Variants in C12orf42 observed in about 807,000 individuals in gnomAD.
C12orf42 encodes the protein uncharacterized protein C12orf42.
C12orf42 carries 25 observed loss-of-function variants against 21.6 expected under a neutral mutation model. The ratio of observed to expected loss-of-function variants is 1.16; its 90% CI spans 0.84 to 1.62. The LOEUF (loss-of-function observed/expected upper bound fraction) is 1.62, where lower values mean the gene tolerates loss of function less well. Among genes scored for constraint, C12orf42 ranks in the 40% most tolerant of loss-of-function variants. C12orf42 has a pLI of 0.00. For missense variants in C12orf42, 483 were observed against 459.3 expected, an observed-to-expected ratio of 1.05 and a Z score of -0.47; for synonymous variants, 174 against 175.0, an observed-to-expected ratio of 0.99 and a Z score of 0.05.
chr12:103,539,885 TTTAA>T, the C12orf42 span, among the ~76,000 whole-genome samples: 4,517 of 152,226 alleles, frequency 0.03, 235 homozygotes, highest in African/African-American at 0.1. Context: ...GGCCTGTATA[TTTAA>T]TTTTTAATTT....
the C12orf42 span, among the ~76,000 whole-genome samples, chr12:103,527,161 A>G: frequency 6.6e-6 from 1 of 151,970 alleles, no homozygotes; most frequent in Non-Finnish European, 1.5e-5. Flanking sequence ...AAGGCTTCTG[A>G]GAAAGATTTC....
rs2037808653 is a variant in C12orf42, at chr12:103,302,542, A to G, written c.649T>C (p.Ser217Pro). ...KKNSGSAARP[S>P]TAIGLCRRSQ... ...CTCCTGCAGAGGCCGATGGCAGTGG[A>G]AGGTCTGGCGGCAGAACCTGGAAGG... Residue 217 changes from serine (S) to proline (P), a missense_variant, in exon 6 of 6, where the codon TCC becomes CCC. By Grantham distance (74) the Ser-to-Pro change is moderately conservative (BLOSUM62 -1). Coordinates refer to ENST00000548883, the MANE Select transcript of C12orf42 (RefSeq NM_198521.5). The G allele has an allele frequency of 6.2e-7, 1 of 1,608,512 alleles. No individual in the cohort carries two copies. Among genetic ancestry groups the G allele is most frequent in the African/African-American group, 1.3e-5 (1 of 74,728 alleles).
intron 3 of C12orf42, among the ~76,000 whole-genome samples, chr12:103,391,092 T>C (rs2047038022): frequency 6.6e-6 from 1 of 152,202 alleles, no homozygotes; most frequent in Admixed American, 6.5e-5. Context: ...TTACTTGGCA[T>C]AATATTTCCA....
chr12:103,270,628 G>T (rs2035415834), intron 5 of C12orf42, among the ~76,000 whole-genome samples: 1 of 149,546 alleles, frequency 6.7e-6, no homozygotes, highest in South Asian at 2.1e-4. Flanking sequence ...TGCACAATGT[G>T]CAGGTTAGTT....
At chr12:103,359,992 C>T (rs1166097030) in intron 4 of C12orf42, among the ~76,000 whole-genome samples, 2 of 151,588 alleles carry the variant, frequency 1.3e-5, no homozygotes, top group African/African-American at 4.8e-5. Flanking sequence ...CATCCCCTTT[C>T]CCTTACTGCC....
intron 4 of C12orf42, among the ~76,000 whole-genome samples, chr12:103,364,109 C>T (rs1251945785): frequency 1.3e-5 from 2 of 152,040 alleles, no homozygotes; most frequent in African/African-American, 4.8e-5. Flanking sequence ...AAACAAGCCT[C>T]AATACATTTA....
the C12orf42 span, among the ~76,000 whole-genome samples, chr12:103,216,666 T>A: frequency 6.6e-6 from 1 of 151,968 alleles, no homozygotes; most frequent in Non-Finnish European, 1.5e-5. Context: ...AACAATACTT[T>A]TTTAAGATCA....
chr12:103,196,712 CTGTT>C, the C12orf42 span, among the ~76,000 whole-genome samples: 1 of 151,714 alleles, frequency 6.6e-6, no homozygotes, highest in Non-Finnish European at 1.5e-5. Flanking sequence ...GGTTTAAAGT[CTGTT>C]TTTTTTTCTG....
the C12orf42 span, among the ~76,000 whole-genome samples, chr12:103,082,875 T>C: frequency 6.6e-6 from 1 of 152,222 alleles, no homozygotes; most frequent in Non-Finnish European, 1.5e-5. Flanking sequence ...TATCAGCTCT[T>C]ACTCTGAATT....
intron 2 of C12orf42, among the ~76,000 whole-genome samples, chr12:103,436,417 TA>T (rs905665080): frequency 6.6e-6 from 1 of 151,954 alleles, no homozygotes; most frequent in African/African-American, 2.4e-5. Context: ...ACTTTAAATG[TA>T]AATGGACTAA....
At chr12:103,240,718 C>G (rs1431685175) in intron 10 of C12orf42, among the ~76,000 whole-genome samples, 1 of 152,086 alleles carries the variant, frequency 6.6e-6, no homozygotes, top group South Asian at 2.1e-4. Context: ...GTGTCTCTAC[C>G]CTGCATGATA....
chr12:103,082,655 T>A, the C12orf42 span, among the ~76,000 whole-genome samples: 2 of 152,244 alleles, frequency 1.3e-5, no homozygotes, highest in African/African-American at 4.8e-5. Context: ...GTAACAAACC[T>A]GCACGTTGTG....
chr12:103,117,439 T>G, the C12orf42 span, among the ~76,000 whole-genome samples: 1 of 152,212 alleles, frequency 6.6e-6, no homozygotes, highest in Non-Finnish European at 1.5e-5. Context: ...TGAAGCAGTC[T>G]CAGATCCAGT....
chr12:103,086,044 A>G, the C12orf42 span, among the ~76,000 whole-genome samples: 1 of 152,166 alleles, frequency 6.6e-6, no homozygotes, highest in Non-Finnish European at 1.5e-5. Context: ...TTTTTTTGTT[A>G]GATTTTTGGA....
At chr12:103,207,285 A>T in the C12orf42 span, among the ~76,000 whole-genome samples, 6 of 152,188 alleles carry the variant, frequency 3.9e-5, no homozygotes, top group Non-Finnish European at 5.9e-5. Flanking sequence ...TGTTACCAAG[A>T]CGTAACTCAG....
At position 103,302,472 on chromosome 12, in the gene C12orf42, G is replaced by C; in HGVS notation, c.719C>G (p.Thr240Arg). Reference protein sequence around the residue: ...GALQSTGPSNTELEPEERMAV... With the variant: ...GALQSTGPSNRELEPEERMAV... ...CATCCTCTCCTCCGGCTCGAGCTCT[G>C]TGTTACTCGGGCCGGTGCTCTGCAG... The change falls in exon 6 of 6, where the codon ACA becomes AGA. Residue 240 changes from threonine to arginine, a missense_variant. Thr to Arg is a moderately conservative substitution (Grantham distance 71, BLOSUM62 -1). Coordinates refer to ENST00000548883, the MANE Select transcript of C12orf42 (RefSeq NM_198521.5). 1 of 1,613,586 alleles carries C rather than the reference G, an allele frequency of 6.2e-7. No homozygotes were observed. Among genetic ancestry groups the C allele is most frequent in the Non-Finnish European group, 8.5e-7 (1 of 1,179,744 alleles).
At chr12:103,547,856 G>A in the C12orf42 span, 1 of 152,160 alleles carries the variant, frequency 6.6e-6, no homozygotes, top group Non-Finnish European at 1.5e-5. Flanking sequence ...TCCCCACCTT[G>A]AGTGTACAAT....
chr12:103,191,986 C>T, the C12orf42 span, among the ~76,000 whole-genome samples: 1 of 151,710 alleles, frequency 6.6e-6, no homozygotes, highest in African/African-American at 2.4e-5. Flanking sequence ...ACTAAAACCA[C>T]AAACAAAAAT....
intron 2 of C12orf42, among the ~76,000 whole-genome samples, chr12:103,466,112 A>G (rs1953106510): frequency 6.6e-6 from 1 of 152,166 alleles, no homozygotes; most frequent in African/African-American, 2.4e-5. Context: ...TGCTGGTCTC[A>G]TAAAATGACT....
Sources: allele counts gnomAD v4.1 joint callset (sites outside exome capture counted in the v4.1 genomes callset), GRCh38; gene constraint gnomAD v4.1.1; transcripts MANE v1.5; gene names NCBI Gene and HGNC (gene_info 2026-07-23, HGNC 2026-07-21).